The following HS6ST3 variants were observed in gnomAD, a reference collection of about 807,000 sequenced individuals.
HS6ST3 encodes the protein heparan-sulfate 6-O-sulfotransferase 3.
Under a neutral mutation model 36.7 loss-of-function variants are expected in HS6ST3, and 12 were observed. The ratio of observed to expected loss-of-function variants is 0.33; its 90% CI spans 0.21 to 0.53. The LOEUF (loss-of-function observed/expected upper bound fraction) is 0.53, where lower values mean the gene tolerates loss of function less well. HS6ST3 is among the 20% of genes least tolerant of loss of function. The pLI is 0.95. For synonymous variants in HS6ST3, 240 were observed against 257.5 expected, an observed-to-expected ratio of 0.93 and a Z score of 0.65; for missense variants, 584 against 640.9, an observed-to-expected ratio of 0.91 and a Z score of 0.96.
At chr13:96,311,659 A>G (rs1010046735) in intron 1 of HS6ST3, among the ~76,000 whole-genome samples, 8 of 152,208 alleles carry the variant, frequency 5.3e-5, no homozygotes, top group African/African-American at 1.9e-4. Flanking sequence ...TTCTACACAT[A>G]TGTCACATAT....
rs191699311 is a variant in HS6ST3, at chr13:96,379,074, C to T, written c.707+287505C>T. Among the ~76,000 whole-genome samples the T allele has an allele frequency of 3.3e-5, 5 of 152,246 alleles. No individual in the cohort carries two copies. The East Asian group carries it at 7.7e-4, about 24-fold the overall frequency. On this transcript the variant is annotated intron_variant, in intron 1 of 1. Coordinates refer to ENST00000376705, the MANE Select transcript of HS6ST3 (RefSeq NM_153456.4). ...ATGTTTTTGTCTTTTTTTAACCATC[C>T]TCTTTCCATTTCTCCACTGATGGTC... is the stretch of plus-strand genomic sequence containing the variant.
At chr13:96,382,454 A>G (rs2055345990) in intron 1 of HS6ST3, among the ~76,000 whole-genome samples, 1 of 152,250 alleles carries the variant, frequency 6.6e-6, no homozygotes, top group Non-Finnish European at 1.5e-5. Flanking sequence ...TATTCTGGTT[A>G]TAATGTTCCA....
chr13:96,336,885 GA>G (rs1238546486), intron 1 of HS6ST3, among the ~76,000 whole-genome samples: 2 of 152,076 alleles, frequency 1.3e-5, no homozygotes, highest in Non-Finnish European at 2.9e-5. Flanking sequence ...TATTACAGGT[GA>G]GCCAAGAAGT....
At chr13:96,639,064 G>C (rs1321541103) in intron 1 of HS6ST3, among the ~76,000 whole-genome samples, 8 of 151,938 alleles carry the variant, frequency 5.3e-5, no homozygotes, top group African/African-American at 1.7e-4. Flanking sequence ...ACAGATTTCT[G>C]TTAGGTCCAG....
In HS6ST3 at chr13:96,128,887, C is replaced by G. The variant is rs191776773; in HGVS notation, c.707+37318C>G. 4.0e-5 allele frequency among the ~76,000 whole-genome samples: 6 copies of G among 150,970 alleles called. No individual in the cohort carries two copies. The East Asian group carries it at 9.7e-4, about 25-fold the overall frequency. On this transcript the variant is annotated intron_variant, in intron 1 of 1. Transcript: ENST00000376705. ...TTTTGGCGGAGTTTTGCTCTTGTTG[C>G]CAGACTGGAGTGCATTGGGGCAATC...
intron 1 of HS6ST3, among the ~76,000 whole-genome samples, chr13:96,149,614 A>G (rs1431816116): frequency 1.3e-5 from 2 of 152,236 alleles, no homozygotes; most frequent in African/African-American, 4.8e-5. Context: ...TTTAAAAAGT[A>G]AACATTTTAT....
chr13:96,818,131 A>G (rs1472506452), intron 1 of HS6ST3, among the ~76,000 whole-genome samples: 3 of 152,242 alleles, frequency 2.0e-5, no homozygotes, highest in Middle Eastern at 3.2e-3. Context: ...ACTTAAGGTC[A>G]GTGCTCCACA....
intron 1 of HS6ST3, among the ~76,000 whole-genome samples, chr13:96,285,879 TCCTCTCTCTCTCCCTCTTTC>T (rs1193744592): frequency 6.6e-6 from 1 of 150,862 alleles, no homozygotes; most frequent in Non-Finnish European, 1.5e-5. Flanking sequence ...CTCTCTCTTT[TCCTCTCTCTCTCCCTCTTTC>T]CCTCTCTCTC....
chr13:96,369,991 C>A (rs938239392), intron 1 of HS6ST3, among the ~76,000 whole-genome samples: 2 of 152,030 alleles, frequency 1.3e-5, no homozygotes, highest in African/African-American at 4.8e-5. Flanking sequence ...ACTAATAGAG[C>A]AAGTCACTTC....
chr13:96,724,905 A>G (rs575062071), intron 1 of HS6ST3, among the ~76,000 whole-genome samples: 2 of 152,358 alleles, frequency 1.3e-5, no homozygotes, highest in Non-Finnish European at 2.9e-5. Flanking sequence ...TGACTGGATC[A>G]TATAGTAGGC....
intron 1 of HS6ST3, among the ~76,000 whole-genome samples, chr13:96,632,911 A>C (rs79633700): frequency 0.012 from 1,774 of 152,320 alleles, 26 homozygotes; most frequent in Middle Eastern, 0.017. Flanking sequence ...AAATCTGGGA[A>C]TATGTGAGTG....
At chr13:96,250,759 C>T (rs2054604223) in intron 1 of HS6ST3, among the ~76,000 whole-genome samples, 1 of 152,164 alleles carries the variant, frequency 6.6e-6, no homozygotes, top group Non-Finnish European at 1.5e-5. Flanking sequence ...CAGTACGTAC[C>T]TTCTACACAT....
chr13:96,737,808 C>T (rs1334431252), intron 1 of HS6ST3, among the ~76,000 whole-genome samples: 3 of 151,960 alleles, frequency 2.0e-5, no homozygotes, highest in Non-Finnish European at 2.9e-5. Context: ...ATTTTCTTGC[C>T]TTTCCAGGTT....
chr13:96,583,656 C>A (rs991786822), intron 1 of HS6ST3, among the ~76,000 whole-genome samples: 1 of 152,014 alleles, frequency 6.6e-6, no homozygotes, highest in African/African-American at 2.4e-5. Context: ...TAATTTTTTT[C>A]AAACCATTCT....
At chr13:96,539,651 A>G (rs1330966174) in intron 1 of HS6ST3, among the ~76,000 whole-genome samples, 1 of 152,072 alleles carries the variant, frequency 6.6e-6, no homozygotes, top group Non-Finnish European at 1.5e-5. Flanking sequence ...CTGGGCACTC[A>G]TTTTTAAGTC....
At chr13:96,570,366 T>G (rs916566261) in intron 1 of HS6ST3, among the ~76,000 whole-genome samples, 1 of 152,194 alleles carries the variant, frequency 6.6e-6, no homozygotes, top group Non-Finnish European at 1.5e-5. Flanking sequence ...ACAGAAAGGT[T>G]TTTTGGTAAT....
chr13:96,550,975 T>C (rs2056217359), intron 1 of HS6ST3, among the ~76,000 whole-genome samples: 1 of 152,308 alleles, frequency 6.6e-6, no homozygotes, highest in South Asian at 2.1e-4. Context: ...ATTATTAACA[T>C]CAACTTTCAG....
chr13:96,773,590 G>A (rs546738912), intron 1 of HS6ST3, among the ~76,000 whole-genome samples: 1 of 152,318 alleles, frequency 6.6e-6, no homozygotes, highest in African/African-American at 2.4e-5. Flanking sequence ...ACCCACAGCA[G>A]CGCCTCAAAG....
At position 96,091,314 on chromosome 13, in the gene HS6ST3, T is replaced by A; in HGVS notation, c.452T>A (p.Leu151His). 1.9e-6 allele frequency: 3 copies of A among 1,613,866 alleles called. No homozygotes were observed. Among genetic ancestry groups the A allele is most frequent in the Non-Finnish European group, 2.5e-6 (3 of 1,179,956 alleles). The change falls in exon 1 of 2, where the codon CTC (leucine) becomes CAC (histidine). Residue 151 changes from leucine (L) to histidine (H), a missense_variant. Physicochemically the swap from Leu to His is moderately conservative, Grantham distance 99 (BLOSUM62 -3). Around this residue, in one of 3 missense-constraint regions of HS6ST3, gnomAD observed 7 missense variants for 24.2 expected, o/e 0.29. Transcript: ENST00000376705. The part of the protein sequence containing the change: ...NIKGRDVIVF[L>H]HIQKTGGTTF... ...AAAGGGCGCGACGTGATCGTGTTCC[T>A]CCACATCCAGAAGACGGGGGGCACC...
Sources: allele counts gnomAD v4.1 joint callset (sites outside exome capture counted in the v4.1 genomes callset), GRCh38; gene constraint gnomAD v4.1.1; regional missense constraint gnomAD v4.1.1; transcripts MANE v1.5; gene names NCBI Gene and HGNC (gene_info 2026-07-23, HGNC 2026-07-21).